LRRC36: variants seen among roughly 807,000 people sequenced by gnomAD.
The protein encoded by LRRC36 is leucine rich repeat containing 36.
In LRRC36, 62 loss-of-function variants were observed where a neutral mutation model predicts 81.1. The ratio of observed to expected loss-of-function variants is 0.76; its 90% CI spans 0.62 to 0.94. The LOEUF (loss-of-function observed/expected upper bound fraction) is 0.94, where lower values mean the gene tolerates loss of function less well. Ranked by LOEUF, LRRC36 falls within the 40% of genes least tolerant of loss-of-function variation. The pLI, the probability that LRRC36 is intolerant of heterozygous loss-of-function variation, is 0.00. For synonymous variants in LRRC36, 334 were observed against 348.6 expected (o/e 0.96, Z 0.47); for missense variants, 761 against 881.7 (o/e 0.86, Z 1.73).
At position 67,367,175 on chromosome 16, in the gene LRRC36, G is replaced by A; in HGVS notation, c.913G>A (p.Ala305Thr). Reference sequence around the variant, plus strand: ...TGATACTTTTCATCTTACCCATGATGCCTCATTGAGTAAATGCCTGGATGT... The same window carrying A: ...TGATACTTTTCATCTTACCCATGATACCTCATTGAGTAAATGCCTGGATGT... ...KPDTFHLTHD[A>T]SLSKCLDVGD... The change falls in exon 8 of 14, where the codon GCC becomes ACC. Residue 305 changes from alanine to threonine, a missense_variant. Around this residue, in one of 3 missense-constraint regions of LRRC36, gnomAD observed 139 missense variants for 214.0 expected, o/e 0.65. Transcript: ENST00000329956. The A allele has an allele frequency of 3.1e-6, 5 of 1,614,162 alleles. No individual in the cohort carries two copies. The highest frequency in any genetic ancestry group is 4.2e-6 in the Non-Finnish European group (5 of 1,180,024).
intron 5 of LRRC36, among the ~76,000 whole-genome samples, chr16:67,353,213 A>T (rs556107651): frequency 1.2e-4 from 18 of 151,882 alleles, no homozygotes; most frequent in African/African-American, 4.3e-4. Flanking sequence ...TCAACCCTAA[A>T]CAGCTCCTAG....
intron 6 of LRRC36, among the ~76,000 whole-genome samples, chr16:67,364,288 T>C (rs1031561257): frequency 6.6e-6 from 1 of 152,112 alleles, no homozygotes; most frequent in Non-Finnish European, 1.5e-5. Context: ...GATGCAACCA[T>C]TATGTAAGAC....
intron 9 of LRRC36, among the ~76,000 whole-genome samples, chr16:67,373,707 CAAAAAAAAAAA>C (rs552146686): frequency 2.8e-5 from 1 of 35,396 alleles, no homozygotes; most frequent in East Asian, 1.1e-3. Context: ...GACTCTGTCT[CAAAAAAAAAAA>C]AAAAAAAAAA....
Position 67,363,732 on chromosome 16 carries a change from C to T in LRRC36, c.702+18C>T. 2 of 1,611,712 alleles carry T rather than the reference C, an allele frequency of 1.2e-6. No homozygotes were observed. Among genetic ancestry groups the T allele is most frequent in the Non-Finnish European group, 1.7e-6 (2 of 1,178,602 alleles). ...GGACACAGGTAATGTATTCACTCTC[C>T]TGCTGATCTGTTGACTAGTCAATGA... is the stretch of plus-strand genomic sequence containing the variant. On this transcript the variant is annotated intron_variant, in intron 6 of 13. Transcript: ENST00000329956.
At position 67,376,791 on chromosome 16, in the gene LRRC36, A is replaced by G; in HGVS notation, c.1725A>G (p.Ser575=). ...CTCCTTCTCAGCCGAGGTGTTGCTC[A>G]CATCCTGAAGACACGATGAAAGCAT... The part of the protein sequence containing the change: ...VPAPSQPRCC[S]HPEDTMKAFC... The change falls in exon 11 of 14, where the codon TCA becomes TCG. Residue 575 remains serine (S), a synonymous_variant. Transcript: ENST00000329956. 5 of 1,614,046 alleles carry G rather than the reference A, an allele frequency of 3.1e-6. No individual in the cohort carries two copies. The highest frequency in any genetic ancestry group is 3.4e-6 in the Non-Finnish European group (4 of 1,179,908).
At chr16:67,335,217 T>C (rs889473954) in intron 1 of LRRC36, among the ~76,000 whole-genome samples, 2 of 152,218 alleles carry the variant, frequency 1.3e-5, no homozygotes, top group African/African-American at 4.8e-5. Flanking sequence ...ATCCTACAGC[T>C]GTGACCATAA....
In LRRC36 at chr16:67,367,205, G is replaced by A. The variant is rs1475731671; in HGVS notation, c.943G>A (p.Asp315Asn). The change falls in exon 8 of 14, where the codon GAT (aspartate) becomes AAT (asparagine). Residue 315 changes from aspartate (D) to asparagine (N), a missense_variant. Around this residue, in one of 3 missense-constraint regions of LRRC36, gnomAD observed 139 missense variants for 214.0 expected, o/e 0.65. Coordinates refer to ENST00000329956, the MANE Select transcript of LRRC36 (RefSeq NM_018296.6). ...ASLSKCLDVG[D>N]SSQIHPYQLP... Reference sequence around the variant, plus strand: ...ATTGAGTAAATGCCTGGATGTGGGTGATTCTAGCCAGATCCATCCCTATCA... The same window carrying A: ...ATTGAGTAAATGCCTGGATGTGGGTAATTCTAGCCAGATCCATCCCTATCA... 4 of 1,614,066 alleles carry A rather than the reference G, an allele frequency of 2.5e-6. No individual in the cohort carries two copies. Among genetic ancestry groups the A allele is most frequent in the Non-Finnish European group, 3.4e-6 (4 of 1,180,022 alleles).
At chr16:67,362,609 G>A (rs1297057978) in intron 5 of LRRC36, among the ~76,000 whole-genome samples, 1 of 151,906 alleles carries the variant, frequency 6.6e-6, no homozygotes, top group Non-Finnish European at 1.5e-5. Flanking sequence ...TCTCTGTGTG[G>A]TAACCAAAAA....
intron 3 of LRRC36, among the ~76,000 whole-genome samples, chr16:67,347,076 T>C (rs1272604197): frequency 6.6e-6 from 1 of 152,162 alleles, no homozygotes; most frequent in Non-Finnish European, 1.5e-5. Flanking sequence ...GGTTTCATCA[T>C]GTTGCCCAGA....
At chr16:67,343,961 C>T (rs1429939994) in intron 2 of LRRC36, among the ~76,000 whole-genome samples, 1 of 151,854 alleles carries the variant, frequency 6.6e-6, no homozygotes, top group African/African-American at 2.4e-5. Flanking sequence ...AGATTACAGG[C>T]ACCCACCACC....
chr16:67,334,551 C>G (rs930232390), intron 1 of LRRC36, among the ~76,000 whole-genome samples: 6 of 151,276 alleles, frequency 4.0e-5, no homozygotes, highest in Non-Finnish European at 7.4e-5. Flanking sequence ...TCTCGAACTC[C>G]CAACCTCAGG....
intron 1 of LRRC36, among the ~76,000 whole-genome samples, chr16:67,330,293 A>C (rs982945677): frequency 2.6e-5 from 4 of 152,108 alleles, no homozygotes; most frequent in Admixed American, 6.5e-5. Flanking sequence ...ATGATTACCT[A>C]AGTTAATTCA....
intron 5 of LRRC36, among the ~76,000 whole-genome samples, chr16:67,359,968 C>A (rs1239887417): frequency 1.3e-5 from 2 of 151,944 alleles, no homozygotes; most frequent in Non-Finnish European, 2.9e-5. Flanking sequence ...ACTAAAAATA[C>A]AAAAAAATTT....
intron 3 of LRRC36, among the ~76,000 whole-genome samples, chr16:67,347,189 C>T (rs1036943791): frequency 6.6e-6 from 1 of 152,184 alleles, no homozygotes; most frequent in Non-Finnish European, 1.5e-5. Flanking sequence ...ACTAAGTAAA[C>T]TCTTTCAGAC....
chr16:67,376,752 T>C lies in LRRC36; in HGVS notation c.1686T>C (p.Ser562=). ...GTCCTGCCCGAGATTTGCTTCTGTCTTTGGTAGTCCCGGCTCCTTCTCAGC... is the reference window on the plus strand; with the variant it reads ...GTCCTGCCCGAGATTTGCTTCTGTCCTTGGTAGTCCCGGCTCCTTCTCAGC... ...FLGPARDLLL[S]LVVPAPSQPR... Residue 562 remains serine, a synonymous_variant, in exon 11 of 14, where the codon TCT becomes TCC. Coordinates refer to ENST00000329956, the MANE Select transcript of LRRC36 (RefSeq NM_018296.6). 1.2e-6 allele frequency: 2 copies of C among 1,613,576 alleles called. No individual in the cohort carries two copies. The highest frequency in any genetic ancestry group is 2.2e-5 in the South Asian group (2 of 91,050).
intron 2 of LRRC36, among the ~76,000 whole-genome samples, chr16:67,343,387 C>T (rs2038183916): frequency 6.6e-6 from 1 of 151,808 alleles, no homozygotes; most frequent in South Asian, 2.1e-4. Flanking sequence ...ATAGTGAGAC[C>T]CCTATCTCTA....
chr16:67,363,712 C>G lies in LRRC36; in HGVS notation c.700C>G (p.Gln234Glu). ...QKLDTFPLGT[Q>E]TQEVARREMP... ...ATTAGACACCTTCCCACTGGGGACACAGGTAATGTATTCACTCTCCTGCTG... is the reference window on the plus strand; with the variant it reads ...ATTAGACACCTTCCCACTGGGGACAGAGGTAATGTATTCACTCTCCTGCTG... The change falls in exon 6 of 14, where the codon CAG becomes GAG. Residue 234 changes from glutamine to glutamate, a missense_variant and splice_region_variant. Physicochemically the swap from Gln to Glu is conservative, Grantham distance 29. Coordinates refer to ENST00000329956, the MANE Select transcript of LRRC36 (RefSeq NM_018296.6). The G allele has an allele frequency of 6.2e-7, 1 of 1,613,624 alleles. No individual in the cohort carries two copies. Among genetic ancestry groups the G allele is most frequent in the Non-Finnish European group, 8.5e-7 (1 of 1,179,666 alleles).
At chr16:67,356,842 A>G (rs1245517514) in intron 5 of LRRC36, among the ~76,000 whole-genome samples, 1 of 152,228 alleles carries the variant, frequency 6.6e-6, no homozygotes, top group Non-Finnish European at 1.5e-5. Flanking sequence ...TTCAATGTAG[A>G]GGGAAAAGCA....
In LRRC36 at chr16:67,346,421, T is replaced by A. The variant is rs762434553; in HGVS notation, c.364T>A (p.Tyr122Asn). The A allele has an allele frequency of 2.6e-5, 41 of 1,602,022 alleles. No individual in the cohort carries two copies. Among genetic ancestry groups the A allele is most frequent in the Middle Eastern group, 1.7e-4 (1 of 6,044 alleles). Reference protein sequence around the residue: ...KDTDYRLFAVYTLQTLEKLDD... With the variant: ...KDTDYRLFAVNTLQTLEKLDD... ...TACAGATTATAGGCTCTTTGCTGTATATACACTACAAACTCTGGAGAAATT... is the reference window on the plus strand; with the variant it reads ...TACAGATTATAGGCTCTTTGCTGTAAATACACTACAAACTCTGGAGAAATT... The change falls in exon 3 of 14, where the codon TAT (tyrosine) becomes AAT (asparagine). Residue 122 changes from tyrosine (Y) to asparagine (N), a missense_variant. Tyr to Asn is a moderately radical substitution (Grantham distance 143). Transcript: ENST00000329956.
Sources: gnomAD v4.1 joint callset for allele counts (sites outside exome capture counted in the v4.1 genomes callset) on GRCh38, gnomAD v4.1.1 for gene constraint, gnomAD v4.1.1 regional missense constraint, MANE v1.5 for transcripts, NCBI Gene and HGNC (gene_info 2026-07-23, HGNC 2026-07-21) for gene names.